DST: variants seen among roughly 807,000 people sequenced by gnomAD.
The protein encoded by DST is dystonin.
Under a neutral mutation model 875.2 loss-of-function variants are expected in DST, and 253 were observed. That is an observed-to-expected ratio of 0.29 (90% CI 0.26 to 0.32). The LOEUF is 0.32. DST is among the 10% of genes least tolerant of loss of function. The pLI is 1.00. For synonymous variants in DST, 3,124 were observed against 3,197.1 expected (o/e 0.98, Z 0.77); for missense variants, 8,287 against 9,111.6 (o/e 0.91, Z 3.68).
At chr6:56,528,601 G>A (rs1440115738) in intron 67 of DST, among the ~76,000 whole-genome samples, 1 of 152,162 alleles carries the variant, frequency 6.6e-6, no homozygotes, top group Non-Finnish European at 1.5e-5. Flanking sequence ...CTGTGCCAAA[G>A]TGCTTTATGT....
At position 56,606,607 on chromosome 6, in the gene DST, G is replaced by GC; in HGVS notation, c.8020dup (p.Ala2674GlyfsTer5). On this transcript the variant is annotated frameshift_variant, in exon 40 of 104. Coordinates refer to ENST00000680361, the MANE Select transcript of DST (RefSeq NM_001374736.1). LOFTEE classifies it high-confidence loss of function. ...CTTCACACTTAAGCTACCAACTGGTGCCCCCTGGGGAACCATGGAATTTTC... is the reference window on the plus strand; with the variant it reads ...CTTCACACTTAAGCTACCAACTGGTGCCCCCCTGGGGAACCATGGAATTTTC... 6.2e-7 allele frequency: 1 copy of GC among 1,613,370 alleles called. No individual in the cohort carries two copies. Among genetic ancestry groups the GC allele is most frequent in the Non-Finnish European group, 8.5e-7 (1 of 1,179,480 alleles).
At position 56,497,454 on chromosome 6, in the gene DST, C is replaced by T. The variant is rs552952660; in HGVS notation, c.20148G>A (p.Thr6716=). ...IEDLQQWLTD[T]ERHLLASKPL... is the part of the protein sequence containing the mutation. ...GTTTAGATGCCAACAGATGACGCTC[C>T]GTGTCAGTCAGCCACTGCTGCAAAT... The change falls in exon 82 of 104, where the codon ACG becomes ACA. Residue 6716 remains threonine (T), a synonymous_variant. Coordinates refer to ENST00000680361, the MANE Select transcript of DST (RefSeq NM_001374736.1). The T allele has an allele frequency of 8.4e-5, 135 of 1,613,102 alleles. 2 individuals are homozygous for T. The South Asian group carries it at 1.3e-3, about 15-fold the overall frequency.
At chr6:56,719,255 G>C (rs2099405911) in intron 5 of DST, among the ~76,000 whole-genome samples, 1 of 152,182 alleles carries the variant, frequency 6.6e-6, no homozygotes. Flanking sequence ...TTAAAGGGAT[G>C]TGTAATTTGT....
chr6:56,810,774 C>T (rs1437234988), intron 4 of DST, among the ~76,000 whole-genome samples: 2 of 151,652 alleles, frequency 1.3e-5, no homozygotes, highest in East Asian at 3.9e-4. Context: ...GTGTTTTATT[C>T]CTCCTGCTAC....
chr6:56,886,605 G>A (rs922653930), intron 3 of DST, among the ~76,000 whole-genome samples: 9 of 151,940 alleles, frequency 5.9e-5, no homozygotes, highest in African/African-American at 9.7e-5. Context: ...GAGAAACCCC[G>A]TCTCTACTAA....
At chr6:56,799,864 T>A (rs893513246) in intron 4 of DST, among the ~76,000 whole-genome samples, 6 of 152,072 alleles carry the variant, frequency 3.9e-5, no homozygotes, top group Non-Finnish European at 7.4e-5. Flanking sequence ...CTTCAAGTGA[T>A]CCACCCCACC....
At chr6:56,493,576 T>C (rs916938465) in intron 83 of DST, among the ~76,000 whole-genome samples, 1 of 152,148 alleles carries the variant, frequency 6.6e-6, no homozygotes, top group South Asian at 2.1e-4. Context: ...CATAATTTAA[T>C]ATACATTTTA....
chr6:56,604,249 C>T lies in DST; in HGVS notation c.10379G>A (p.Gly3460Glu). 2 of 1,610,822 alleles carry T rather than the reference C, an allele frequency of 1.2e-6. No homozygotes were observed. The highest frequency in any genetic ancestry group is 1.7e-6 in the Non-Finnish European group (2 of 1,178,370). ...KQDQHSQKIT[G>E]VFELMRELTH... ...TAATTCTCTCATCAATTCAAATACTCCTGTAATTTTTTGGCTATGTTGATC... is the reference window on the plus strand; with the variant it reads ...TAATTCTCTCATCAATTCAAATACTTCTGTAATTTTTTGGCTATGTTGATC... Residue 3460 changes from glycine to glutamate, a missense_variant, in exon 40 of 104, where the codon GGA becomes GAA. By Grantham distance (98) the Gly-to-Glu change is moderately conservative. Coordinates refer to ENST00000680361, the MANE Select transcript of DST (RefSeq NM_001374736.1).
intron 4 of DST, among the ~76,000 whole-genome samples, chr6:56,810,274 C>T (rs1257654147): frequency 6.6e-6 from 1 of 152,158 alleles, no homozygotes. Context: ...TGTGCCACTG[C>T]ATTCCAGCTT....
intron 9 of DST, among the ~76,000 whole-genome samples, chr6:56,678,908 T>C (rs2099143656): frequency 6.6e-6 from 1 of 152,198 alleles, no homozygotes; most frequent in Non-Finnish European, 1.5e-5. Flanking sequence ...TTCTTTTCTC[T>C]TGTCATTTCT....
chr6:56,489,425 A>C, intron 86 of DST, 65 bp downstream of exon 86: 3 of 1,468,894 alleles, frequency 2.0e-6, no homozygotes, highest in Middle Eastern at 1.8e-4. Context: ...GTGATGAAGT[A>C]AGGATTTTAA....
At chr6:56,681,522 G>A (rs2099157345) in intron 9 of DST, among the ~76,000 whole-genome samples, 2 of 152,122 alleles carry the variant, frequency 1.3e-5, no homozygotes, top group South Asian at 4.1e-4. Flanking sequence ...TCTGCCTCAG[G>A]GGTCTGTGTA....
At chr6:56,588,421 TC>T (rs1478637581) in intron 49 of DST, among the ~76,000 whole-genome samples, 1 of 152,156 alleles carries the variant, frequency 6.6e-6, no homozygotes, top group Non-Finnish European at 1.5e-5. Context: ...CCTAAGTCTC[TC>T]CTCACTCCTA....
At position 56,530,035 on chromosome 6, in the gene DST, A is replaced by G; in HGVS notation, c.17207T>C (p.Val5736Ala). ...EWLTTIEKRL[V>A]NCEPIGTQAS... is the part of the protein sequence containing the mutation. ...TTGGGTTCCTATGGGTTCACAATTCACCAGCCTCTTTTCTATGGTTGTAAG... is the reference window on the plus strand; with the variant it reads ...TTGGGTTCCTATGGGTTCACAATTCGCCAGCCTCTTTTCTATGGTTGTAAG... Residue 5736 changes from valine to alanine, a missense_variant, in exon 65 of 104, where the codon GTG becomes GCG. Transcript: ENST00000680361. 1 of 1,613,102 alleles carries G rather than the reference A, an allele frequency of 6.2e-7. No individual in the cohort carries two copies. Among genetic ancestry groups the G allele is most frequent in the Non-Finnish European group, 8.5e-7 (1 of 1,179,636 alleles).
chr6:56,607,701 A>G lies in DST; in HGVS notation c.6927T>C (p.Asn2309=), dbSNP rs1389925611. ...GAGAAAATTCACTATTGATAACAGT[A>G]TTTCTCATTTCATTAAATTCTTCAT... The part of the protein sequence containing the change: ...AIDEEFNEMR[N]TVINSEFSQS... Residue 2309 remains asparagine (N), a synonymous_variant, in exon 40 of 104, where the codon AAT becomes AAC. Transcript: ENST00000680361. The G allele has an allele frequency of 6.8e-6, 11 of 1,613,248 alleles. No individual in the cohort carries two copies. Among genetic ancestry groups the G allele is most frequent in the Admixed American group, 6.7e-5 (4 of 59,916 alleles).
At chr6:56,590,448 G>A (rs138304661) in intron 49 of DST, among the ~76,000 whole-genome samples, 137 of 152,146 alleles carry the variant, frequency 9.0e-4, no homozygotes, top group African/African-American at 3.1e-3. Flanking sequence ...TGTAATATAT[G>A]CAATCAATAA....
chr6:56,929,109 A>C (rs144987836), intron 2 of DST, among the ~76,000 whole-genome samples: 2 of 152,306 alleles, frequency 1.3e-5, no homozygotes, highest in African/African-American at 4.8e-5. Flanking sequence ...GGAGGACTAG[A>C]ACATATTATG....
chr6:56,598,698 T>C lies in DST; in HGVS notation c.11706A>G (p.Lys3902=). 1 of 1,582,714 alleles carries C rather than the reference T, an allele frequency of 6.3e-7. No homozygotes were observed. The highest frequency in any genetic ancestry group is 2.2e-5 in the East Asian group (1 of 44,454). The part of the protein sequence containing the change: ...KYQSKQEELQ[K]DMQGSAQALA... Reference sequence around the variant, plus strand: ...ATGCCTGTGCACTTCCTTGCATATCTTTCTGTAATTCCTTATAACACAAAA... The same window carrying C: ...ATGCCTGTGCACTTCCTTGCATATCCTTCTGTAATTCCTTATAACACAAAA... Residue 3902 remains lysine (K), a synonymous_variant, in exon 46 of 104, where the codon AAA becomes AAG. Transcript: ENST00000680361.
intron 4 of DST, among the ~76,000 whole-genome samples, chr6:56,768,474 C>T (rs965712020): frequency 6.6e-6 from 1 of 152,148 alleles, no homozygotes; most frequent in Non-Finnish European, 1.5e-5. Flanking sequence ...GGTACTGGAA[C>T]AACTGGACAT....
Sources: allele counts gnomAD v4.1 joint callset (sites outside exome capture counted in the v4.1 genomes callset), GRCh38; gene constraint gnomAD v4.1.1; transcripts MANE v1.5; gene names NCBI Gene and HGNC (gene_info 2026-07-23, HGNC 2026-07-21).